TMEM175: variants seen among roughly 807,000 people sequenced by gnomAD.
TMEM175 encodes the protein transmembrane protein 175.
TMEM175 carries 36 observed loss-of-function variants against 36.5 expected under a neutral mutation model. The ratio of observed to expected loss-of-function variants is 0.99; its 90% CI spans 0.76 to 1.30. The LOEUF (loss-of-function observed/expected upper bound fraction) is 1.30. TMEM175 is among the 50% of genes most tolerant of loss of function. TMEM175 has a pLI of 0.00. For missense variants in TMEM175, 705 were observed against 692.8 expected (o/e 1.02, Z -0.20); for synonymous variants, 339 against 313.4 (o/e 1.08, Z -0.86).
rs141940193 is a variant in TMEM175, at chr4:955,229, A to C, written c.628-176A>C. On this transcript the variant is annotated intron_variant, in intron 8 of 10. Transcript: ENST00000264771. ...AGTGCTGGGATTACAGGCATGAGCC[A>C]CTGTGCTGGCTTAAGAATCCTTTAC... Among the ~76,000 whole-genome samples, 26 of 152,330 alleles carry C rather than the reference A, an allele frequency of 1.7e-4. No homozygotes were observed. The East Asian group carries it at 4.4e-3, about 26-fold the overall frequency.
chr4:951,953 G>A, intron 6 of TMEM175: 1 of 599,262 alleles, frequency 1.7e-6, no homozygotes. Flanking sequence ...CTCCCACCCG[G>A]CCCTGAGCCC....
Position 947,892 on chromosome 4 carries a change from G to T in TMEM175, c.153G>T (p.Met51Ile). The stretch of plus-strand genomic sequence containing the variant: ...TGCTGTCCATCATCGCCACCGTCAT[G>T]GTCTGTACGGGGCCCCTGCTTAGGC... Reference protein sequence around the residue: ...DALLSIIATVMILPVTHTEIS... With the variant: ...DALLSIIATVIILPVTHTEIS... Residue 51 changes from methionine to isoleucine, a missense_variant and splice_region_variant, in exon 2 of 11, where the codon ATG becomes ATT. Physicochemically the swap from Met to Ile is conservative, Grantham distance 10. Coordinates refer to ENST00000264771, the MANE Select transcript of TMEM175 (RefSeq NM_032326.4). 6.2e-7 allele frequency: 1 copy of T among 1,613,850 alleles called. No individual in the cohort carries two copies.
chr4:953,070 GGCCA>G, intron 7 of TMEM175, 116 bp from the exon 8 acceptor site: 1 of 1,085,240 alleles, frequency 9.2e-7, no homozygotes, highest in Non-Finnish European at 1.3e-6. Context: ...TGCAGCCCGG[GGCCA>G]GGTCCTCCCC....
Position 958,095 on chromosome 4 carries a change from G to A in TMEM175, c.1114G>A (p.Glu372Lys). 1 of 1,606,474 alleles carries A rather than the reference G, an allele frequency of 6.2e-7. No individual in the cohort carries two copies. Among genetic ancestry groups the A allele is most frequent in the Non-Finnish European group, 8.5e-7 (1 of 1,179,774 alleles). ...TSAFARQPRD[E>K]LERVRVSCTI... ...GGCCTTCGCCCGGCAGCCCCGCGAT[G>A]AGCTGGAGCGCGTGCGTGTCAGCTG... Residue 372 changes from glutamate (E) to lysine (K), a missense_variant, in exon 11 of 11, where the codon GAG (glutamate) becomes AAG (lysine). Transcript: ENST00000264771.
At chr4:956,703 C>T (rs915192719) in intron 10 of TMEM175, 1 of 344,352 alleles carries the variant, frequency 2.9e-6, no homozygotes, top group African/African-American at 2.2e-5. Flanking sequence ...CTCGGCCTCC[C>T]AAAGTGCTGG....
intron 1 of TMEM175, among the ~76,000 whole-genome samples, chr4:945,569 G>C (rs979665459): frequency 9.9e-5 from 15 of 152,218 alleles, no homozygotes; most frequent in Non-Finnish European, 2.1e-4. Flanking sequence ...CTGGAAACCA[G>C]TGAGCCTCTG....
intron 10 of TMEM175, chr4:956,598 A>G: frequency 1.6e-6 from 1 of 624,274 alleles, no homozygotes; most frequent in Non-Finnish European, 2.4e-6. Flanking sequence ...ACCCACCACC[A>G]TGCCCAGCTA....
chr4:946,538 G>C (rs953713926), intron 1 of TMEM175, among the ~76,000 whole-genome samples: 1 of 152,182 alleles, frequency 6.6e-6, no homozygotes, highest in Non-Finnish European at 1.5e-5. Context: ...GCACGAGGCT[G>C]CCCAGCACCA....
chr4:957,643 ACAGT>A (rs1353995907), intron 10 of TMEM175, among the ~76,000 whole-genome samples, 177 bp from the exon 11 acceptor site: 2 of 152,238 alleles, frequency 1.3e-5, no homozygotes, highest in Non-Finnish European at 1.5e-5. Context: ...ACAGCACGTA[ACAGT>A]CAGTGTGCCA....
At chr4:945,730 A>G (rs914588267) in intron 1 of TMEM175, among the ~76,000 whole-genome samples, 1 of 152,026 alleles carries the variant, frequency 6.6e-6, no homozygotes, top group Non-Finnish European at 1.5e-5. Flanking sequence ...CCCCCTTTGG[A>G]GTAAAACCTG....
At position 941,046 on chromosome 4, in the gene TMEM175, T is replaced by C. The variant is rs1310035324; in HGVS notation, c.-31-6663T>C. 2.2e-5 allele frequency among the ~76,000 whole-genome samples: 3 copies of C among 138,582 alleles called. No individual in the cohort carries two copies. The East Asian group carries it at 6.5e-4, about 30-fold the overall frequency. The allele number at this position is 138,582 out of a possible 152,430, so 90.9% of individuals were successfully genotyped here. A position where few individuals can be genotyped will look rare whatever the true frequency, so the allele number is the denominator to read the frequency against. ...ATAATAATAATAATAATAATAATAA[T>C]AATGGGAGAAAGGGGAAAGGGGGAT... On this transcript the variant is annotated intron_variant, in intron 1 of 10. Transcript: ENST00000264771.
At chr4:941,439 CT>C (rs1228124580) in intron 1 of TMEM175, among the ~76,000 whole-genome samples, 112 of 131,566 alleles carry the variant, frequency 8.5e-4, no homozygotes, top group Non-Finnish European at 1.2e-3. Flanking sequence ...CTCTATTTTT[CT>C]TTTTTTTTTT....
chr4:955,332 A>G, intron 8 of TMEM175, 73 bp from the exon 9 acceptor site: 3 of 1,241,704 alleles, frequency 2.4e-6, no homozygotes, highest in East Asian at 2.3e-5. Flanking sequence ...GCTTTGGCAC[A>G]CAGCTTTGTG....
chr4:955,556 A>G (rs532773722), intron 9 of TMEM175, 73 bp downstream of exon 9: 179 of 1,526,408 alleles, frequency 1.2e-4, no homozygotes, highest in Admixed American at 3.9e-4. Flanking sequence ...CTCCGCACTG[A>G]GGGCTGTCCG....
rs772924742 is a variant in TMEM175 at position 957,961 on chromosome 4, A to G, written c.980A>G (p.His327Arg). ...FATVGLLWFA[H>R]HSLFLHVRKA... is the part of the protein sequence containing the mutation. ...ACAGTGGGACTGCTGTGGTTCGCCCACCACTCACTCTTCCTGCATGTGCGC... is the reference window on the plus strand; with the variant it reads ...ACAGTGGGACTGCTGTGGTTCGCCCGCCACTCACTCTTCCTGCATGTGCGC... The change falls in exon 11 of 11, where the codon CAC becomes CGC. Residue 327 changes from histidine (H) to arginine (R), a missense_variant. His to Arg is a conservative substitution (Grantham distance 29). Coordinates refer to ENST00000264771, the MANE Select transcript of TMEM175 (RefSeq NM_032326.4). 3 of 1,612,852 alleles carry G rather than the reference A, an allele frequency of 1.9e-6. No homozygotes were observed. The East Asian group carries it at 6.7e-5, about 36-fold the overall frequency.
chr4:956,451 T>G (rs750539942), intron 10 of TMEM175: 1 of 1,279,732 alleles, frequency 7.8e-7, no homozygotes, highest in Non-Finnish European at 1.0e-6. Flanking sequence ...GGGTTTTTTT[T>G]TTTTTTTTTT....
intron 3 of TMEM175, chr4:948,369 G>C: frequency 5.2e-6 from 8 of 1,532,854 alleles, no homozygotes; most frequent in South Asian, 1.2e-5. Context: ...CCTCCTGGGA[G>C]GGTGGGAGAC....
chr4:948,325 G>C, intron 3 of TMEM175, 171 bp downstream of exon 3: 1 of 1,543,136 alleles, frequency 6.5e-7, no homozygotes, highest in Non-Finnish European at 8.7e-7. Flanking sequence ...AACAAGTCCT[G>C]CTCAGCCTGT....
chr4:933,245 A>C (rs774023330), intron 1 of TMEM175, among the ~76,000 whole-genome samples: 2 of 150,690 alleles, frequency 1.3e-5, no homozygotes, highest in Non-Finnish European at 1.5e-5. Flanking sequence ...GGTGGCTTAC[A>C]CCTGTAATCC....
Sources: gnomAD v4.1 joint callset for allele counts (sites outside exome capture counted in the v4.1 genomes callset) on GRCh38, gnomAD v4.1.1 for gene constraint, MANE v1.5 for transcripts, NCBI Gene and HGNC (gene_info 2026-07-23, HGNC 2026-07-21) for gene names.